The following VIPAS39 variants were observed in gnomAD, a reference collection of about 807,000 sequenced individuals.
VIPAS39 encodes the protein spermatogenesis-defective protein 39 homolog.
Under a neutral mutation model 84.7 loss-of-function variants are expected in VIPAS39, and 63 were observed. The observed-to-expected ratio is 0.74, with a 90% CI of 0.61 to 0.92. The LOEUF (loss-of-function observed/expected upper bound fraction) is 0.92. Among genes scored for constraint, VIPAS39 ranks in the 40% least tolerant of loss-of-function variants. The pLI, the probability that VIPAS39 is intolerant of heterozygous loss-of-function variation, is 0.00. For missense variants in VIPAS39, 499 were observed against 604.5 expected, an observed-to-expected ratio of 0.83 and a Z score of 1.83; for synonymous variants, 192 against 216.5, an observed-to-expected ratio of 0.89 and a Z score of 0.99.
rs794726653 is a variant in VIPAS39, at chr14:77,441,074, CTTCTG to C, written c.749_753del (p.Thr250ArgfsTer17). On this transcript the variant is annotated frameshift_variant, in exon 11 of 20. Transcript: ENST00000557658. LOFTEE classifies it high-confidence loss of function. ...ACAAAGGCCACACTTACCGCAAGCTCTTCTGTTCTATCTAGGAACCTGGGAAGAAG... is the reference window on the plus strand; with the variant it reads ...ACAAAGGCCACACTTACCGCAAGCTCTTCTATCTAGGAACCTGGGAAGAAG... 1 of 1,613,596 alleles carries C rather than the reference CTTCTG, an allele frequency of 6.2e-7. No homozygotes were observed. Among genetic ancestry groups the C allele is most frequent in the Non-Finnish European group, 8.5e-7 (1 of 1,179,646 alleles).
At chr14:77,427,962 C>A (rs553143703) in intron 19 of VIPAS39, among the ~76,000 whole-genome samples, 1 of 152,266 alleles carries the variant, frequency 6.6e-6, no homozygotes, top group African/African-American at 2.4e-5. Context: ...AGAGACGAAC[C>A]AGCTGTGCTC....
intron 5 of VIPAS39, 94 bp from the exon 6 acceptor site, chr14:77,449,451 T>A: frequency 6.7e-7 from 1 of 1,499,032 alleles, no homozygotes; most frequent in Non-Finnish European, 9.3e-7. Flanking sequence ...TTTTTTGACT[T>A]GTGGGCTCCC....
chr14:77,443,003 A>C, intron 9 of VIPAS39, 116 bp downstream of exon 9: 1 of 1,413,460 alleles, frequency 7.1e-7, no homozygotes, highest in Non-Finnish European at 1.0e-6. Context: ...AGGCCACCCC[A>C]CTTGTCTCTG....
chr14:77,444,115 A>C (rs955107288), intron 8 of VIPAS39, 134 bp downstream of exon 8: 5 of 881,824 alleles, frequency 5.7e-6, no homozygotes, highest in Non-Finnish European at 8.9e-6. Context: ...CAGATTACTT[A>C]GAATCCTACA....
rs968895677 is a variant in VIPAS39, at chr14:77,437,803, C to T, written c.836+5G>A. ...TACTTAAAATCATTTTTCCCCCATACTTACCCAACACAGGTTTTAAGAAAT... is the reference window on the plus strand; with the variant it reads ...TACTTAAAATCATTTTTCCCCCATATTTACCCAACACAGGTTTTAAGAAAT... On this transcript the variant is annotated splice_donor_5th_base_variant and intron_variant, in intron 12 of 19. Coordinates refer to ENST00000557658, the MANE Select transcript of VIPAS39 (RefSeq NM_001193315.2). 6.2e-7 allele frequency: 1 copy of T among 1,613,804 alleles called. No homozygotes were observed. Among genetic ancestry groups the T allele is most frequent in the Non-Finnish European group, 8.5e-7 (1 of 1,179,736 alleles).
intron 12 of VIPAS39, 67 bp from the exon 13 acceptor site, chr14:77,435,986 A>T: frequency 6.6e-7 from 1 of 1,521,256 alleles, no homozygotes; most frequent in South Asian, 1.1e-5. Context: ...AACTAAACCA[A>T]ATCGCCAGCA....
At chr14:77,450,640 A>G (rs2078867201) in intron 4 of VIPAS39, among the ~76,000 whole-genome samples, 1 of 152,150 alleles carries the variant, frequency 6.6e-6, no homozygotes, top group Admixed American at 6.5e-5. Context: ...CCTCCTGAGC[A>G]GCTGGGATTA....
intron 16 of VIPAS39, among the ~76,000 whole-genome samples, chr14:77,431,855 T>C (rs935515111): frequency 6.6e-6 from 1 of 152,176 alleles, no homozygotes. Flanking sequence ...AAATTATTGC[T>C]GAGAATTTAA....
chr14:77,452,779 C>CAAAAAAAAA (rs11418833), intron 3 of VIPAS39, among the ~76,000 whole-genome samples: 1 of 106,814 alleles, frequency 9.4e-6, no homozygotes, highest in Non-Finnish European at 1.8e-5. Flanking sequence ...GACTCCATCT[C>CAAAAAAAAA]AAAAAAAAAA....
At position 77,437,848 on chromosome 14, in the gene VIPAS39, C is replaced by T. The variant is rs1343451245; in HGVS notation, c.796G>A (p.Asp266Asn). The T allele has an allele frequency of 1.2e-6, 2 of 1,613,986 alleles. No individual in the cohort carries two copies. The highest frequency in any genetic ancestry group is 1.7e-6 in the Non-Finnish European group (2 of 1,180,032). The change falls in exon 12 of 20, where the codon GAC becomes AAC. Residue 266 changes from aspartate to asparagine, a missense_variant. Transcript: ENST00000557658. ...SHYREHLNIQDPDKRKEFLKT... is the reference protein window; with the variant it reads ...SHYREHLNIQNPDKRKEFLKT... ...AGAAATTCTTTTCGTTTGTCAGGGTCCTGAATGTTCAAATGCTCTCGATAA... is the reference window on the plus strand; with the variant it reads ...AGAAATTCTTTTCGTTTGTCAGGGTTCTGAATGTTCAAATGCTCTCGATAA...
intron 7 of VIPAS39, among the ~76,000 whole-genome samples, chr14:77,447,723 C>T (rs368636966): frequency 2.0e-5 from 3 of 152,208 alleles, no homozygotes; most frequent in South Asian, 2.1e-4. Context: ...TGCAGTGGCA[C>T]GATCTCAGCT....
At position 77,429,103 on chromosome 14, in the gene VIPAS39, AAGAGGT is replaced by A; in HGVS notation, c.1267-14_1267-9del. On this transcript the variant is annotated splice_polypyrimidine_tract_variant and intron_variant, in intron 17 of 19. Transcript: ENST00000557658. ...GACATACTCCTGTAATATCTGTGGG[AAGAGGT>A]ACTTCCGATTAATGATTCAAACACC... 6.2e-7 allele frequency: 1 copy of A among 1,612,646 alleles called. No individual in the cohort carries two copies. The highest frequency in any genetic ancestry group is 8.5e-7 in the Non-Finnish European group (1 of 1,178,886).
chr14:77,447,683 G>A (rs780148189), intron 7 of VIPAS39, among the ~76,000 whole-genome samples: 10 of 152,146 alleles, frequency 6.6e-5, no homozygotes, highest in Non-Finnish European at 1.0e-4. Flanking sequence ...GCAGGGGGGC[G>A]GAGTTTCACT....
chr14:77,439,961 C>T (rs900020221), intron 11 of VIPAS39, among the ~76,000 whole-genome samples: 2 of 152,166 alleles, frequency 1.3e-5, no homozygotes, highest in African/African-American at 4.8e-5. Flanking sequence ...TTCTTTCACC[C>T]AGACATGACC....
intron 7 of VIPAS39, among the ~76,000 whole-genome samples, chr14:77,446,708 A>G (rs1204335645): frequency 1.3e-5 from 2 of 152,244 alleles, no homozygotes; most frequent in African/African-American, 4.8e-5. Flanking sequence ...TTCAACATTT[A>G]TATAATAATC....
chr14:77,443,872 CAAAA>C (rs11341918), intron 8 of VIPAS39, among the ~76,000 whole-genome samples: 5 of 102,372 alleles, frequency 4.9e-5, no homozygotes, highest in Admixed American at 9.8e-5. Flanking sequence ...GACTCCATCT[CAAAA>C]AAAAAAAAAA....
chr14:77,441,246 C>G, intron 10 of VIPAS39, 153 bp from the exon 11 acceptor site: 1 of 806,674 alleles, frequency 1.2e-6, no homozygotes. Flanking sequence ...TCATTGTTCC[C>G]CTGGTCTCTC....
At chr14:77,457,216 C>A in intron 1 of VIPAS39, 5 of 1,518,922 alleles carry the variant, frequency 3.3e-6, no homozygotes, top group Non-Finnish European at 4.4e-6. Context: ...GTCCAGGAAG[C>A]CATGGATCTA....
chr14:77,445,889 G>C (rs948332323), intron 7 of VIPAS39, among the ~76,000 whole-genome samples: 2 of 149,880 alleles, frequency 1.3e-5, no homozygotes, highest in Admixed American at 1.3e-4. Context: ...GCAGTGAGCT[G>C]AGATCGCACC....
Sources: allele counts gnomAD v4.1 joint callset (sites outside exome capture counted in the v4.1 genomes callset), GRCh38; gene constraint gnomAD v4.1.1; transcripts MANE v1.5; gene names NCBI Gene and HGNC (gene_info 2026-07-23, HGNC 2026-07-21).